Variants in SLC38A12 observed in about 807,000 individuals in gnomAD.
SLC38A12 encodes solute carrier family 38 member 12.
chr17:74,799,175 T>C, the SLC38A12 span, among the ~76,000 whole-genome samples: 1 of 152,124 alleles, frequency 6.6e-6, no homozygotes, highest in African/African-American at 2.4e-5. Flanking sequence ...GAGGGGACAG[T>C]GGGGACTCCC....
the SLC38A12 span, among the ~76,000 whole-genome samples, chr17:74,828,858 G>A: frequency 4.5e-4 from 69 of 152,256 alleles, no homozygotes; most frequent in African/African-American, 1.6e-3. Context: ...GGTGGCAGGA[G>A]GGGGAAATCT....
the SLC38A12 span, chr17:74,819,621 G>A: frequency 1.2e-6 from 1 of 823,006 alleles, no homozygotes; most frequent in Non-Finnish European, 2.0e-6. Context: ...GCCTCTGCCA[G>A]TCCAGGTGTG....
the SLC38A12 span, among the ~76,000 whole-genome samples, chr17:74,814,949 C>T: frequency 6.6e-6 from 1 of 152,204 alleles, no homozygotes; most frequent in Non-Finnish European, 1.5e-5. Context: ...CAAGAGCCCC[C>T]AGGGAGGATT....
the SLC38A12 span, chr17:74,791,174 A>G: frequency 1.4e-6 from 1 of 690,748 alleles, no homozygotes; most frequent in Non-Finnish European, 2.4e-6. Flanking sequence ...CTCCCTCAGC[A>G]CCTGAGAAGC....
At chr17:74,792,020 C>T in the SLC38A12 span, among the ~76,000 whole-genome samples, 1 of 152,032 alleles carries the variant, frequency 6.6e-6, no homozygotes, top group South Asian at 2.1e-4. Flanking sequence ...GTGGCAGGCG[C>T]CTGTAGTCCC....
At chr17:74,795,781 C>T in the SLC38A12 span, 1 of 655,450 alleles carries the variant, frequency 1.5e-6, no homozygotes, top group Non-Finnish European at 2.6e-6. Flanking sequence ...GGGCCTTGGC[C>T]CCAGGCAGAA....
At chr17:74,814,969 TG>T in the SLC38A12 span, among the ~76,000 whole-genome samples, 2 of 152,230 alleles carry the variant, frequency 1.3e-5, no homozygotes, top group African/African-American at 4.8e-5. Context: ...TAAAATAACT[TG>T]TAGAGGAGAT....
chr17:74,799,555 T>C, the SLC38A12 span, among the ~76,000 whole-genome samples: 1 of 152,014 alleles, frequency 6.6e-6, no homozygotes, highest in African/African-American at 2.4e-5. Context: ...CTTCCCAAGC[T>C]CCCTCCGGAC....
At chr17:74,806,864 C>T in the SLC38A12 span, among the ~76,000 whole-genome samples, 676 of 152,298 alleles carry the variant, frequency 4.4e-3, 5 homozygotes, top group African/African-American at 0.015. Context: ...TCCCGCCCCA[C>T]GGCTCCATGA....
chr17:74,838,029 AC>A, the SLC38A12 span: 2 of 985,766 alleles, frequency 2.0e-6, no homozygotes, highest in Middle Eastern at 1.0e-3. Flanking sequence ...CAGACCTCTG[AC>A]AGAGCGACGA....
chr17:74,818,784 G>A, the SLC38A12 span, among the ~76,000 whole-genome samples: 1 of 152,202 alleles, frequency 6.6e-6, no homozygotes, highest in Non-Finnish European at 1.5e-5. Flanking sequence ...CTGCTTCCGA[G>A]TGGCAGATTG....
chr17:74,791,083 G>C, the SLC38A12 span: 1 of 1,554,382 alleles, frequency 6.4e-7, no homozygotes, highest in African/African-American at 1.4e-5. Flanking sequence ...GGGAGCTGGT[G>C]CTTCCCTGCA....
chr17:74,793,402 A>T, the SLC38A12 span, among the ~76,000 whole-genome samples: 1 of 152,192 alleles, frequency 6.6e-6, no homozygotes, highest in Admixed American at 6.5e-5. Flanking sequence ...GCTGTGCTCC[A>T]TTCCTGATTC....
chr17:74,836,789 G>A, the SLC38A12 span: 395,165 of 1,474,654 alleles, frequency 0.27, 56,157 homozygotes, highest in East Asian at 0.42. This position sits in a 1 kb window ranked among gnomAD's most constrained non-coding sequence, Gnocchi z 4.2. Flanking sequence ...TCATGGGGCA[G>A]GTGGGACTGT....
chr17:74,788,036 C>T, the SLC38A12 span, among the ~76,000 whole-genome samples: 2 of 152,192 alleles, frequency 1.3e-5, no homozygotes, highest in East Asian at 3.9e-4. Context: ...CCTTGTGATC[C>T]ACCCACCTCA....
the SLC38A12 span, chr17:74,795,066 C>T: frequency 1.7e-5 from 27 of 1,614,046 alleles, 1 homozygote; most frequent in Admixed American, 3.3e-5. Context: ...GGAGACCTCG[C>T]CATCTATGCT....
the SLC38A12 span, among the ~76,000 whole-genome samples, chr17:74,784,102 A>C: frequency 2.0e-5 from 3 of 152,072 alleles, no homozygotes; most frequent in African/African-American, 7.2e-5. Flanking sequence ...TGTTTCTATC[A>C]CAAATTCAGC....
At chr17:74,809,311 T>C in the SLC38A12 span, among the ~76,000 whole-genome samples, 1 of 152,112 alleles carries the variant, frequency 6.6e-6, no homozygotes, top group Non-Finnish European at 1.5e-5. Flanking sequence ...AGCCAGTGTT[T>C]GGGGAGTAAC....
the SLC38A12 span, among the ~76,000 whole-genome samples, chr17:74,832,213 C>T: frequency 6.6e-6 from 1 of 152,114 alleles, no homozygotes; most frequent in Non-Finnish European, 1.5e-5. Flanking sequence ...CCTTTCCTTC[C>T]TTTTCTCCCT....
Sources: allele counts gnomAD v4.1 joint callset (sites outside exome capture counted in the v4.1 genomes callset), GRCh38; gene constraint gnomAD v4.1.1; non-coding constraint Gnocchi (gnomAD v3.1); transcripts MANE v1.5; gene names NCBI Gene and HGNC (gene_info 2026-07-23, HGNC 2026-07-21).